FKBP6: variants seen among roughly 807,000 people sequenced by gnomAD.
FKBP6 encodes inactive peptidyl-prolyl cis-trans isomerase FKBP6.
A neutral mutation model predicts 41.7 loss-of-function variants in FKBP6; 29 were observed. The ratio of observed to expected loss-of-function variants is 0.70; its 90% CI spans 0.52 to 0.95. The LOEUF (loss-of-function observed/expected upper bound fraction) is 0.95, where lower values mean the gene tolerates loss of function less well. Ranked by LOEUF, FKBP6 falls within the 40% of genes least tolerant of loss-of-function variation. The pLI is 0.00. For synonymous variants in FKBP6, 130 were observed against 165.1 expected (o/e 0.79, Z 1.63); for missense variants, 338 against 408.7 (o/e 0.83, Z 1.49).
chr7:73,329,041 G>A (rs1317217101), intron 2 of FKBP6, among the ~76,000 whole-genome samples: 1 of 152,134 alleles, frequency 6.6e-6, no homozygotes, highest in East Asian at 1.9e-4. Context: ...CTGGACCCAA[G>A]TGAGCCTCCC....
Position 73,341,307 on chromosome 7 carries a change from G to A in FKBP6, c.818G>A (p.Arg273Gln), listed in dbSNP as rs781798975. 1.4e-5 allele frequency: 22 copies of A among 1,613,480 alleles called. No individual in the cohort carries two copies. Among genetic ancestry groups the A allele is most frequent in the Admixed American group, 3.3e-5 (2 of 60,016 alleles). ...CTCCTGACTGAGTATCAAAAGGCCC[G>A]GGATTTTCTAGTTCGAGCCCAGAAG... ...CLLLTEYQKA[R>Q]DFLVRAQKEQ... The change falls in exon 7 of 9, where the codon CGG (arginine) becomes CAG (glutamine). Residue 273 changes from arginine to glutamine, a missense_variant. Physicochemically the swap from Arg to Gln is conservative, Grantham distance 43 (BLOSUM62 1). Around this residue, in one of 2 missense-constraint regions of FKBP6, gnomAD observed 239 missense variants for 250.1 expected, o/e 0.96. Transcript: ENST00000252037.
intron 5 of FKBP6, among the ~76,000 whole-genome samples, chr7:73,335,731 C>T (rs1804987105): frequency 6.6e-6 from 1 of 152,090 alleles, no homozygotes; most frequent in Non-Finnish European, 1.5e-5. Context: ...CAGACCGGTC[C>T]CTTTTACATT....
chr7:73,343,212 GT>G (rs1249736989), intron 8 of FKBP6, among the ~76,000 whole-genome samples: 6 of 152,206 alleles, frequency 3.9e-5, no homozygotes, highest in Non-Finnish European at 7.3e-5. Context: ...CTGGAGTGCA[GT>G]GGTGCGATCT....
At chr7:73,335,546 C>G (rs1482900248) in intron 5 of FKBP6, among the ~76,000 whole-genome samples, 1 of 152,184 alleles carries the variant, frequency 6.6e-6, no homozygotes, top group Non-Finnish European at 1.5e-5. Context: ...AAGTCAAGGG[C>G]CTCTTTGGTT....
intron 8 of FKBP6, among the ~76,000 whole-genome samples, chr7:73,355,185 C>T (rs1046740514): frequency 6.6e-6 from 1 of 152,220 alleles, no homozygotes; most frequent in Non-Finnish European, 1.5e-5. Flanking sequence ...CAGCCTGGTT[C>T]GTAGGAATGG....
chr7:73,338,772 C>G (rs1805084309), intron 5 of FKBP6, among the ~76,000 whole-genome samples: 1 of 152,168 alleles, frequency 6.6e-6, no homozygotes, highest in Admixed American at 6.5e-5. Flanking sequence ...TGTCTATCTT[C>G]TTTGGAAAAA....
chr7:73,330,791 A>C (rs1423589397), intron 4 of FKBP6, among the ~76,000 whole-genome samples: 1 of 152,106 alleles, frequency 6.6e-6, no homozygotes, highest in African/African-American at 2.4e-5. Flanking sequence ...TCGGGTTTAA[A>C]CTGAGACAGT....
intron 3 of FKBP6, 131 bp from the exon 4 acceptor site, chr7:73,330,019 T>C: frequency 2.7e-6 from 2 of 732,092 alleles, no homozygotes; most frequent in Admixed American, 4.0e-5. Flanking sequence ...GAGGAAGACA[T>C]TGCAGGAAGA....
At chr7:73,331,375 G>A (rs1330106479) in intron 4 of FKBP6, among the ~76,000 whole-genome samples, 2 of 152,196 alleles carry the variant, frequency 1.3e-5, no homozygotes, top group Non-Finnish European at 2.9e-5. Flanking sequence ...TGGCTCTAGG[G>A]TGTAAAATGG....
rs1804851535 is a variant in FKBP6 at position 73,331,746 on chromosome 7, T to C, written c.558T>C (p.Arg186=). The C allele has an allele frequency of 6.2e-7, 1 of 1,613,764 alleles. No homozygotes were observed. Among genetic ancestry groups the C allele is most frequent in the Non-Finnish European group, 8.5e-7 (1 of 1,179,628 alleles). The stretch of plus-strand genomic sequence containing the variant: ...GCAACTACCTTTTCCGCCAGAATCG[T>C]TTCTATGATGCCAAAGTGAGATATA... The part of the protein sequence containing the change: ...EFGNYLFRQN[R]FYDAKVRYKR... The change falls in exon 5 of 9, where the codon CGT becomes CGC. Residue 186 remains arginine (R), a synonymous_variant. Coordinates refer to ENST00000252037, the MANE Select transcript of FKBP6 (RefSeq NM_003602.5).
Position 73,331,665 on chromosome 7 carries a change from A to G in FKBP6, c.477A>G (p.Gln159=), listed in dbSNP as rs1240185397. 2 of 1,613,766 alleles carry G rather than the reference A, an allele frequency of 1.2e-6. No individual in the cohort carries two copies. Among genetic ancestry groups the G allele is most frequent in the African/African-American group, 2.7e-5 (2 of 74,880 alleles). ...DKFCALSAEQ[Q]DQFPLQKVLK... ...CTGTCTCTGGTCCTCAGGAGCAGCA[A>G]GACCAATTTCCACTTCAGAAGGTCC... is the stretch of plus-strand genomic sequence containing the variant. The change falls in exon 5 of 9, where the codon CAA becomes CAG. Residue 159 remains glutamine (Q), a synonymous_variant. Transcript: ENST00000252037.
intron 5 of FKBP6, among the ~76,000 whole-genome samples, chr7:73,340,252 G>A (rs1476031944): frequency 7.9e-5 from 12 of 152,112 alleles, no homozygotes; most frequent in African/African-American, 2.7e-4. Flanking sequence ...CTTTTGGCCG[G>A]GCATGGTGGC....
At chr7:73,355,152 C>T (rs1805592809) in intron 8 of FKBP6, among the ~76,000 whole-genome samples, 1 of 152,226 alleles carries the variant, frequency 6.6e-6, no homozygotes, top group Non-Finnish European at 1.5e-5. Context: ...TTTCCGAGGC[C>T]TGGGGCCCAC....
At chr7:73,331,815 T>G (rs1554547742) in intron 5 of FKBP6, 39 bp downstream of exon 5, 1 of 1,592,562 alleles carries the variant, frequency 6.3e-7, no homozygotes. Context: ...GTTTAGATCC[T>G]GAAAACTTCC....
At chr7:73,338,032 G>GT (rs1459589535) in intron 5 of FKBP6, among the ~76,000 whole-genome samples, 5 of 151,924 alleles carry the variant, frequency 3.3e-5, no homozygotes, top group Non-Finnish European at 4.4e-5. Context: ...TTCTTTTTTT[G>GT]TTTTTTGTTT....
At chr7:73,345,514 T>TG (rs1371224329) in intron 8 of FKBP6, among the ~76,000 whole-genome samples, 34 of 152,314 alleles carry the variant, frequency 2.2e-4, no homozygotes, top group Non-Finnish European at 4.1e-4. Flanking sequence ...CCGGCCTGGT[T>TG]GGGGGTATGT....
In FKBP6 at chr7:73,331,676, C is replaced by T. The variant is rs782429549; in HGVS notation, c.488C>T (p.Pro163Leu). Reference sequence around the variant, plus strand: ...CCTCAGGAGCAGCAAGACCAATTTCCACTTCAGAAGGTCCTGAAAGTGGCA... The same window carrying T: ...CCTCAGGAGCAGCAAGACCAATTTCTACTTCAGAAGGTCCTGAAAGTGGCA... ...ALSAEQQDQF[P>L]LQKVLKVAAT... is the part of the protein sequence containing the mutation. The change falls in exon 5 of 9, where the codon CCA (proline) becomes CTA (leucine). Residue 163 changes from proline (P) to leucine (L), a missense_variant. Pro to Leu is a moderately conservative substitution (Grantham distance 98, BLOSUM62 -3). This residue lies in a region of FKBP6 where 239 missense variants were observed against 250.1 expected (regional missense o/e 0.96). Transcript: ENST00000252037. The T allele has an allele frequency of 8.7e-6, 14 of 1,613,622 alleles. No individual in the cohort carries two copies. The Admixed American group carries it at 2.3e-4, about 27-fold the overall frequency.
Position 73,341,303 on chromosome 7 carries a change from G to A in FKBP6, c.814G>A (p.Ala272Thr). Residue 272 changes from alanine (A) to threonine (T), a missense_variant, in exon 7 of 9, where the codon GCC becomes ACC. Physicochemically the swap from Ala to Thr is moderately conservative, Grantham distance 58 (BLOSUM62 0). This residue lies in a region of FKBP6 where 239 missense variants were observed against 250.1 expected (regional missense o/e 0.96). Transcript: ENST00000252037. ...TCTTCTCCTGACTGAGTATCAAAAG[G>A]CCCGGGATTTTCTAGTTCGAGCCCA... Reference protein sequence around the residue: ...ACLLLTEYQKARDFLVRAQKE... With the variant: ...ACLLLTEYQKTRDFLVRAQKE... 1.2e-6 allele frequency: 2 copies of A among 1,613,434 alleles called. No individual in the cohort carries two copies. Among genetic ancestry groups the A allele is most frequent in the South Asian group, 2.2e-5 (2 of 91,074 alleles).
intron 8 of FKBP6, among the ~76,000 whole-genome samples, chr7:73,355,049 A>T (rs114558966): frequency 0.026 from 3,941 of 151,898 alleles, 168 homozygotes; most frequent in African/African-American, 0.089. Context: ...TACATTTCAC[A>T]CCCTTCTTTG....
Sources: allele counts gnomAD v4.1 joint callset (sites outside exome capture counted in the v4.1 genomes callset), GRCh38; gene constraint gnomAD v4.1.1; regional missense constraint gnomAD v4.1.1; transcripts MANE v1.5; gene names NCBI Gene and HGNC (gene_info 2026-07-23, HGNC 2026-07-21).